Variants in MAEA observed in about 807,000 individuals in gnomAD.
MAEA encodes the protein macrophage erythroblast attacher, E3 ubiquitin ligase.
In MAEA, 22 loss-of-function variants were observed where a neutral mutation model predicts 46.2. That is an observed-to-expected ratio of 0.48 (90% CI 0.34 to 0.68). The LOEUF (loss-of-function observed/expected upper bound fraction) is 0.68. Ranked by LOEUF, MAEA falls within the 30% of genes least tolerant of loss-of-function variation. The probability of loss-of-function intolerance (pLI) is 0.01; values close to 1 mark genes in which losing one functional copy is unlikely to be tolerated. For synonymous variants in MAEA, 246 were observed against 222.6 expected (o/e 1.11, Z -0.94); for missense variants, 393 against 558.1 (o/e 0.70, Z 2.98).
chr4:1,324,539 G>C (rs1738558267), intron 4 of MAEA, among the ~76,000 whole-genome samples: 1 of 150,920 alleles, frequency 6.6e-6, no homozygotes, highest in Non-Finnish European at 1.5e-5. Context: ...GGTGTTGGAT[G>C]AGTTGAGATT....
At chr4:1,299,940 A>G (rs1020634899) in intron 1 of MAEA, 4 of 152,208 alleles carry the variant, frequency 2.6e-5, no homozygotes, top group Admixed American at 6.5e-5. Context: ...TGAAGGATAG[A>G]GAAGAAATAA....
rs184678146 is a variant in MAEA at position 1,335,790 on chromosome 4, G to C, written c.766-1071G>C. On this transcript the variant is annotated intron_variant, in intron 6 of 8. Transcript: ENST00000303400. Reference sequence around the variant, plus strand: ...CAGTGTGTTGAAATCACAGAGTTAAGTCAGCACCTGCCCTGCAGTGTGTTG... The same window carrying C: ...CAGTGTGTTGAAATCACAGAGTTAACTCAGCACCTGCCCTGCAGTGTGTTG... 7,540 of 935,756 alleles carry C rather than the reference G, an allele frequency of 8.1e-3. 498 individuals are homozygous for C. The East Asian group carries it at 0.18, about 22-fold the overall frequency. 58.0% of individuals were successfully genotyped at this position (935,756 alleles called of 1,614,324 possible).
rs1736430419 is a variant in MAEA, at chr4:1,311,034, G to T, written c.70-945G>T. On this transcript the variant is annotated intron_variant, in intron 1 of 8. Coordinates refer to ENST00000303400, the MANE Select transcript of MAEA (RefSeq NM_001017405.3). The surrounding 1 kb of genome is among the most constrained non-coding windows in gnomAD (Gnocchi z 4.4). ...GACACGAGGTCGAGGCGTGCCCAGG[G>T]CCGGGGGAGCAGGCGGTACCCGAGA... Among the ~76,000 whole-genome samples the T allele has an allele frequency of 6.7e-6, 1 of 149,626 alleles. No homozygotes were observed. Among genetic ancestry groups the T allele is most frequent in the South Asian group, 2.1e-4 (1 of 4,698 alleles).
rs1411595806 is a variant in MAEA, at chr4:1,327,800, C to T, written c.656+97C>T. On this transcript the variant is annotated intron_variant, in intron 5 of 8. Transcript: ENST00000303400. The stretch of plus-strand genomic sequence containing the variant: ...TGTCGTGGTCTGGGTCCTGGGACGT[C>T]CCCTGGGTCGTCCCCTGGGTCTTGA... 11 of 879,834 alleles carry T rather than the reference C, an allele frequency of 1.3e-5. No homozygotes were observed. The East Asian group carries it at 6.0e-4, about 48-fold the overall frequency. The allele number at this position is 879,834 out of a possible 1,614,324, so 54.5% of individuals were successfully genotyped here.
intron 1 of MAEA, among the ~76,000 whole-genome samples, chr4:1,307,139 A>G (rs1473907202): frequency 1.3e-5 from 2 of 152,244 alleles, no homozygotes; most frequent in Non-Finnish European, 2.9e-5. Flanking sequence ...TTTTTAATTT[A>G]AAAAGATACT....
At chr4:1,298,034 G>A (rs775014959) in intron 1 of MAEA, 29 of 456,280 alleles carry the variant, frequency 6.4e-5, no homozygotes, top group South Asian at 2.0e-4. Flanking sequence ...TGAGGAACCC[G>A]GTTGCTGCCT....
intron 6 of MAEA, chr4:1,335,222 A>G: frequency 1.0e-6 from 1 of 985,502 alleles, no homozygotes; most frequent in Non-Finnish European, 1.2e-6. Flanking sequence ...CATTTCATAC[A>G]TGATTTCTCT....
chr4:1,332,592 C>T, intron 5 of MAEA, 165 bp from the exon 6 acceptor site: 1 of 567,814 alleles, frequency 1.8e-6, no homozygotes. Context: ...TGCTGCACAT[C>T]TGCGGTCTCA....
At position 1,330,077 on chromosome 4, in the gene MAEA, C is replaced by G. The variant is rs532394200; in HGVS notation, c.656+2374C>G. The G allele has an allele frequency of 2.8e-4, 272 of 985,520 alleles. 1 individual carries two copies. The African/African-American group carries it at 4.3e-3, about 16-fold the overall frequency. The allele number at this position is 985,520 out of a possible 1,614,324, so 61.0% of individuals were successfully genotyped here. On this transcript the variant is annotated intron_variant, in intron 5 of 8. Transcript: ENST00000303400. ...CTCGTTGGCTGGGGTGGCTGCAGCTCCGCCCTGCCTGGGGCATTTGTGGGT... is the reference window on the plus strand; with the variant it reads ...CTCGTTGGCTGGGGTGGCTGCAGCTGCGCCCTGCCTGGGGCATTTGTGGGT...
intron 3 of MAEA, among the ~76,000 whole-genome samples, chr4:1,318,285 G>T (rs1035761885): frequency 2.6e-5 from 4 of 152,238 alleles, no homozygotes; most frequent in African/African-American, 9.6e-5. Context: ...TGAAGCATGA[G>T]CTGTGGGTGC....
At chr4:1,329,405 G>A (rs776735165) in intron 5 of MAEA, 33 of 985,300 alleles carry the variant, frequency 3.3e-5, no homozygotes, top group Non-Finnish European at 3.7e-5. Context: ...TGTCTGAGCC[G>A]AGCTCAGAGC....
chr4:1,296,561 G>A (rs1375878762), intron 1 of MAEA, among the ~76,000 whole-genome samples: 2 of 147,770 alleles, frequency 1.4e-5, no homozygotes, highest in African/African-American at 5.1e-5. Flanking sequence ...TTCTCTCTCT[G>A]TTGGTCGGTT....
intron 7 of MAEA, chr4:1,338,218 C>T: frequency 1.9e-6 from 1 of 525,612 alleles, no homozygotes; most frequent in Non-Finnish European, 3.4e-6. Flanking sequence ...AAGGCGCAGG[C>T]TTCTTGTCTC....
Position 1,339,194 on chromosome 4 carries a change from T to G in MAEA, c.*25T>G, listed in dbSNP as rs1336285670. 1 of 1,588,430 alleles carries G rather than the reference T, an allele frequency of 6.3e-7. No individual in the cohort carries two copies. The highest frequency in any genetic ancestry group is 2.2e-5 in the East Asian group (1 of 44,726). Reference sequence around the variant, plus strand: ...GGCCCCACGTCGTGAAGCGCACGCCTCGGGGACGGGCTGCAGTGGGCGGGG... The same window carrying G: ...GGCCCCACGTCGTGAAGCGCACGCCGCGGGGACGGGCTGCAGTGGGCGGGG... On this transcript the variant is annotated 3_prime_UTR_variant, in exon 9 of 9. Coordinates refer to ENST00000303400, the MANE Select transcript of MAEA (RefSeq NM_001017405.3).
chr4:1,298,659 G>A (rs1735020060), intron 1 of MAEA, among the ~76,000 whole-genome samples: 1 of 152,162 alleles, frequency 6.6e-6, no homozygotes, highest in Non-Finnish European at 1.5e-5. Flanking sequence ...GGCTCCTAGA[G>A]CGCCATCCTC....
chr4:1,301,329 C>G (rs893093058), intron 1 of MAEA, among the ~76,000 whole-genome samples: 4 of 152,224 alleles, frequency 2.6e-5, no homozygotes, highest in Non-Finnish European at 5.9e-5. Context: ...TTGCCACATT[C>G]TGTTTCAGTG....
rs56040263 is a variant in MAEA at position 1,315,650 on chromosome 4, A to G, written c.456+50A>G. ...CAGCGCCCCAGCTGGCCCCAGGCCTATGGCCAGCCGCCCTGTGGCATGTCC... is the reference window on the plus strand; with the variant it reads ...CAGCGCCCCAGCTGGCCCCAGGCCTGTGGCCAGCCGCCCTGTGGCATGTCC... On this transcript the variant is annotated intron_variant, in intron 3 of 8. Coordinates refer to ENST00000303400, the MANE Select transcript of MAEA (RefSeq NM_001017405.3). 834 of 1,584,144 alleles carry G rather than the reference A, an allele frequency of 5.3e-4. 6 individuals are homozygous for G. The African/African-American group carries it at 0.01, about 19-fold the overall frequency.
At chr4:1,310,591 A>C (rs1271008439) in intron 1 of MAEA, among the ~76,000 whole-genome samples, 1 of 152,242 alleles carries the variant, frequency 6.6e-6, no homozygotes. Context: ...TTTGCTCACC[A>C]GCAAGGGTGA....
Position 1,318,346 on chromosome 4 carries a change from A to C in MAEA, c.456+2746A>C, listed in dbSNP as rs147046486. Among the ~76,000 whole-genome samples the C allele has an allele frequency of 3.9e-5, 6 of 152,322 alleles. No individual in the cohort carries two copies. The East Asian group carries it at 9.6e-4, about 24-fold the overall frequency. ...TGTTGGGGGAGAGAGACGTGAAGTG[A>C]AAGAAGGGGGTCCTGTGGTGGGCAC... On this transcript the variant is annotated intron_variant, in intron 3 of 8. Coordinates refer to ENST00000303400, the MANE Select transcript of MAEA (RefSeq NM_001017405.3).
Sources: allele counts gnomAD v4.1 joint callset (sites outside exome capture counted in the v4.1 genomes callset), GRCh38; gene constraint gnomAD v4.1.1; non-coding constraint Gnocchi (gnomAD v3.1); transcripts MANE v1.5; gene names NCBI Gene and HGNC (gene_info 2026-07-23, HGNC 2026-07-21).